MED14: variants seen among roughly 807,000 people sequenced by gnomAD.
The protein encoded by MED14 is mediator complex subunit 14.
In MED14, 8 loss-of-function variants were observed where a neutral mutation model predicts 109.0. The ratio of observed to expected loss-of-function variants is 0.07; its 90% CI spans 0.04 to 0.13. MED14 has a LOEUF of 0.13. Ranked by LOEUF, MED14 falls within the 10% of genes least tolerant of loss-of-function variation. The pLI is 1.00. For synonymous variants in MED14, 399 were observed against 408.7 expected (o/e 0.98, Z 0.29); for missense variants, 711 against 1,142.4 (o/e 0.62, Z 5.44).
In MED14 at chrX:40,713,951, GA is replaced by G. The variant is rs770941639; in HGVS notation, c.523-45del. 2.6e-6 allele frequency: 3 copies of G among 1,156,707 alleles called. No individual in the cohort carries two copies. In the South Asian group the frequency reaches 5.7e-5, roughly 22 times the overall value. On this transcript the variant is annotated intron_variant, in intron 4 of 30. Transcript: ENST00000324817. ...GATTTTTAAATAATGTACAAACGGG[GA>G]TTTTTTTTTTCAATCTTTTCCTGTC...
intron 5 of MED14, 21 bp from the exon 6 acceptor site, chrX:40,713,063 A>G: frequency 8.7e-7 from 1 of 1,148,610 alleles, no homozygotes; most frequent in Non-Finnish European, 1.2e-6. Context: ...AAAAAGATGA[A>G]GAAAAAGAAG....
chrX:40,730,967 C>T (rs1932062194), intron 1 of MED14, among the ~76,000 whole-genome samples: 1 of 108,277 alleles, frequency 9.2e-6, no homozygotes, highest in Non-Finnish European at 1.9e-5. Context: ...CCTGGGCACA[C>T]ATGGCAACCC....
chrX:40,732,518 C>CAA (rs367874034), intron 1 of MED14, among the ~76,000 whole-genome samples: 1,973 of 91,840 alleles, frequency 0.021, 27 homozygotes, highest in Middle Eastern at 0.047. Context: ...GACTCTGTCT[C>CAA]AAAAAAAAAA....
chrX:40,709,887 A>C (rs1931277071), intron 9 of MED14, 92 bp downstream of exon 9: 2 of 550,179 alleles, frequency 3.6e-6, no homozygotes, highest in East Asian at 8.3e-5. Context: ...AGGAAGAATT[A>C]GATATTTTTA....
chrX:40,734,303 G>GT (rs1932176737), intron 1 of MED14, among the ~76,000 whole-genome samples: 1 of 111,944 alleles, frequency 8.9e-6, no homozygotes, highest in African/African-American at 3.2e-5. Flanking sequence ...TGAGAATGAC[G>GT]TTTTACAGGA....
At chrX:40,726,921 G>A (rs1484131628) in intron 2 of MED14, 70 bp from the exon 3 acceptor site, 2 of 855,028 alleles carry the variant, frequency 2.3e-6, no homozygotes, top group African/African-American at 4.2e-5. Context: ...TTTCAGCTAA[G>A]CAAAAATAAA....
rs765724294 is a variant in MED14 at position 40,680,511 on chromosome X, C to G, written c.2610+247G>C. On this transcript the variant is annotated intron_variant, in intron 20 of 30. Coordinates refer to ENST00000324817, the MANE Select transcript of MED14 (RefSeq NM_004229.4). ...CCGCTCACTGCAGCCTTGACCTCCC[C>G]AGGCTCAGGTGATCCTCCCACTTCA... Among the ~76,000 whole-genome samples, 294 of 111,429 alleles carry G rather than the reference C, an allele frequency of 2.6e-3. 2 individuals are homozygous for G. Among genetic ancestry groups the G allele is most frequent in the African/African-American group, 9.1e-3 (279 of 30,618 alleles).
upstream of MED14, chrX:40,735,956 C>A (rs774728675): frequency 4.2e-6 from 1 of 238,947 alleles, no homozygotes; most frequent in East Asian, 1.4e-4. Flanking sequence ...AGCAGTTGCC[C>A]CGCCCTTACC....
chrX:40,684,702 T>A (rs374479870), intron 16 of MED14, among the ~76,000 whole-genome samples: 4 of 112,302 alleles, frequency 3.6e-5, no homozygotes, highest in African/African-American at 1.3e-4. Context: ...TGCAGTACAT[T>A]ATCTTCCTTT....
Position 40,735,186 on chromosome X carries a change from CG to C in MED14, c.215+11del. ...GGGGCTGGGGAACAGGCAGGGGTTT[CG>C]GGGCACTTACAGGTCCGTCAACACC... On this transcript the variant is annotated intron_variant, in intron 1 of 30. Transcript: ENST00000324817. 9.5e-7 allele frequency: 1 copy of C among 1,056,521 alleles called. No individual in the cohort carries two copies. Among genetic ancestry groups the C allele is most frequent in the Non-Finnish European group, 1.2e-6 (1 of 815,261 alleles). 87.1% of individuals were successfully genotyped at this position (1,056,521 alleles called of 1,213,427 possible). A position where few individuals can be genotyped will look rare whatever the true frequency, so the allele number is the denominator to read the frequency against.
Position 40,664,365 on chromosome X carries a change from G to A in MED14, c.3390C>T (p.Ala1130=), listed in dbSNP as rs142754925. The A allele has an allele frequency of 2.9e-5, 35 of 1,204,681 alleles. No homozygotes were observed. In the Middle Eastern group the frequency reaches 6.9e-4, roughly 24 times the overall value. Residue 1130 remains alanine, a synonymous_variant, in exon 25 of 31, where the codon GCC becomes GCT. Coordinates refer to ENST00000324817, the MANE Select transcript of MED14 (RefSeq NM_004229.4). ...PAARMPGMSP[A]NPSLHSPVPD... ...GAACCGGAGAATGTAGTGAGGGGTT[G>A]GCTGGTGACATTCCAGGCATGCGTG...
Position 40,698,828 on chromosome X carries a change from G to A in MED14, c.1491-1645C>T, listed in dbSNP as rs185839618. On this transcript the variant is annotated intron_variant, in intron 12 of 30. Coordinates refer to ENST00000324817, the MANE Select transcript of MED14 (RefSeq NM_004229.4). ...ACATTACTGATGAGGTTGTAAAATG[G>A]CACAGTCACTCTGGAAAACAGTTTG... Among the ~76,000 whole-genome samples, 256 of 112,216 alleles carry A rather than the reference G, an allele frequency of 2.3e-3. 1 individual carries two copies. The highest frequency in any genetic ancestry group is 4.1e-3 in the Non-Finnish European group (220 of 53,174).
chrX:40,727,597 C>T (rs1360702441), intron 2 of MED14, among the ~76,000 whole-genome samples: 4 of 111,697 alleles, frequency 3.6e-5, no homozygotes, highest in Non-Finnish European at 7.5e-5. Context: ...TGTCAATCAA[C>T]GTGTTAGCTA....
chrX:40,695,245 G>A (rs1930683072), intron 13 of MED14, among the ~76,000 whole-genome samples: 1 of 111,988 alleles, frequency 8.9e-6, no homozygotes, highest in Non-Finnish European at 1.9e-5. Flanking sequence ...ACAACTGTAT[G>A]CATTTATCAG....
chrX:40,662,683 T>C (rs1276430699), intron 26 of MED14, among the ~76,000 whole-genome samples: 1 of 112,121 alleles, frequency 8.9e-6, no homozygotes, highest in African/African-American at 3.2e-5. Flanking sequence ...ATGTTAGCCA[T>C]ATAACATAGA....
intron 22 of MED14, among the ~76,000 whole-genome samples, chrX:40,673,503 T>C (rs1284719287): frequency 8.9e-6 from 1 of 112,122 alleles, no homozygotes; most frequent in East Asian, 2.8e-4. Context: ...GAAATGTTAC[T>C]GGGTGTATAT....
rs1930507828 is a variant in MED14 at position 40,691,606 on chromosome X, TC to T, written c.1980+576del. 5.7e-5 allele frequency among the ~76,000 whole-genome samples: 3 copies of T among 52,648 alleles called. No homozygotes were observed. The East Asian group carries it at 1.7e-3, about 30-fold the overall frequency. 45.7% of individuals were successfully genotyped at this position (52,648 alleles called of 115,157 possible). On this transcript the variant is annotated intron_variant, in intron 15 of 30. Transcript: ENST00000324817. Reference sequence around the variant, plus strand: ...TCAGCCTGTCCACTTTTTCTTTTAATCTTTTTTTTTTTTTTTTTTTTTGGAG... The same window carrying T: ...TCAGCCTGTCCACTTTTTCTTTTAATTTTTTTTTTTTTTTTTTTTTTGGAG...
chrX:40,697,282 T>A, intron 12 of MED14, 99 bp from the exon 13 acceptor site: 1 of 498,525 alleles, frequency 2.0e-6, no homozygotes, highest in Non-Finnish European at 3.2e-6. Context: ...AAAAAACAAT[T>A]AATTGAAATT....
At position 40,660,124 on chromosome X, in the gene MED14, TTTTTG is replaced by T. The variant is rs377252253; in HGVS notation, c.3685-522_3685-518del. Among the ~76,000 whole-genome samples, 502 of 112,123 alleles carry T rather than the reference TTTTTG, an allele frequency of 4.5e-3. 7 individuals are homozygous for T. Among genetic ancestry groups the T allele is most frequent in the African/African-American group, 0.014 (441 of 30,861 alleles). On this transcript the variant is annotated intron_variant, in intron 26 of 30. Transcript: ENST00000324817. ...GGTATGAGAATGGTGCAGGTTGTGTTTTTTGTTTTGTTTTGTTTTAAGAGTCTATA... is the reference window on the plus strand; with the variant it reads ...GGTATGAGAATGGTGCAGGTTGTGTTTTTTGTTTTGTTTTAAGAGTCTATA...
Sources: gnomAD v4.1 joint callset for allele counts (sites outside exome capture counted in the v4.1 genomes callset) on GRCh38, gnomAD v4.1.1 for gene constraint, MANE v1.5 for transcripts, NCBI Gene and HGNC (gene_info 2026-07-23, HGNC 2026-07-21) for gene names.